Variants in MDFIC2 observed in about 807,000 individuals in gnomAD.
The protein encoded by MDFIC2 is MyoD family inhibitor domain containing 2, also known as myoD family inhibitor domain-containing protein 2.
intron 2 of MDFIC2, among the ~76,000 whole-genome samples, chr3:70,230,554 G>A (rs1021915263): frequency 3.0e-4 from 46 of 151,950 alleles, no homozygotes; most frequent in African/African-American, 1.1e-3. Flanking sequence ...TTGAATAATG[G>A]AACTCTCTCT....
intron 2 of MDFIC2, among the ~76,000 whole-genome samples, chr3:70,258,032 G>T (rs1427265821): frequency 6.6e-6 from 1 of 152,150 alleles, no homozygotes; most frequent in African/African-American, 2.4e-5. Flanking sequence ...TGGGGGAAAT[G>T]GAGAGTCTTT....
chr3:70,286,712 C>G (rs113191282), intron 2 of MDFIC2, among the ~76,000 whole-genome samples: 21 of 152,138 alleles, frequency 1.4e-4, no homozygotes, highest in Admixed American at 5.2e-4. Flanking sequence ...TCTTCCATTT[C>G]TTTTTATCCT....
intron 2 of MDFIC2, among the ~76,000 whole-genome samples, chr3:70,231,875 A>ATG (rs1017772231): frequency 6.6e-6 from 1 of 152,108 alleles, no homozygotes; most frequent in Non-Finnish European, 1.5e-5. Context: ...TGATGTGTGC[A>ATG]TGTGTGTGTG....
intron 2 of MDFIC2, among the ~76,000 whole-genome samples, chr3:70,255,632 T>G (rs117886786): frequency 2.6e-5 from 4 of 152,188 alleles, no homozygotes; most frequent in East Asian, 1.9e-4. Flanking sequence ...TGGCTATTTT[T>G]TTTTCCTGTG....
In MDFIC2 at chr3:70,295,420, A is replaced by G. The variant is rs553365623; in HGVS notation, c.88+16466T>C. 2.0e-5 allele frequency among the ~76,000 whole-genome samples: 3 copies of G among 152,262 alleles called. No homozygotes were observed. In the South Asian group the frequency reaches 6.2e-4, roughly 32 times the overall value. On this transcript the variant is annotated intron_variant, in intron 2 of 3. Coordinates refer to ENST00000567252, the MANE Select transcript of MDFIC2 (RefSeq NM_001364677.1). ...CCCAAAGGCTTACATACCATAATGA[A>G]AGCCCAGACATGGTGGCTTATTACT...
At chr3:70,208,292 G>A (rs567548760) in intron 2 of MDFIC2, among the ~76,000 whole-genome samples, 1 of 152,120 alleles carries the variant, frequency 6.6e-6, no homozygotes, top group Admixed American at 6.5e-5. Context: ...TACTGAAATT[G>A]ATAATACAAT....
intron 2 of MDFIC2, among the ~76,000 whole-genome samples, chr3:70,237,664 A>G (rs1239262230): frequency 2.0e-5 from 3 of 152,230 alleles, no homozygotes; most frequent in Admixed American, 6.5e-5. Flanking sequence ...AAATAGGGAA[A>G]AGATTGTTAA....
At position 70,200,870 on chromosome 3, in the gene MDFIC2, T is replaced by A. The variant is rs78559234; in HGVS notation, c.311-3685A>T. On this transcript the variant is annotated intron_variant, in intron 3 of 3. Coordinates refer to ENST00000567252, the MANE Select transcript of MDFIC2 (RefSeq NM_001364677.1). Reference sequence around the variant, plus strand: ...CGTAGAGCAGAGATTCAAATCTAAGTCTTTCTGAATCCAAAGCCTGTGGTC... The same window carrying A: ...CGTAGAGCAGAGATTCAAATCTAAGACTTTCTGAATCCAAAGCCTGTGGTC... Among the ~76,000 whole-genome samples, 884 of 152,080 alleles carry A rather than the reference T, an allele frequency of 5.8e-3. 5 individuals are homozygous for A. The highest frequency in any genetic ancestry group is 8.7e-3 in the Non-Finnish European group (593 of 67,996).
intron 2 of MDFIC2, among the ~76,000 whole-genome samples, chr3:70,247,137 T>C (rs1245119039): frequency 6.6e-6 from 1 of 152,034 alleles, no homozygotes; most frequent in African/African-American, 2.4e-5. Context: ...AATGAATTTA[T>C]TCTTGGCCAT....
chr3:70,283,231 T>C (rs1234925208), intron 2 of MDFIC2, among the ~76,000 whole-genome samples: 4 of 152,068 alleles, frequency 2.6e-5, no homozygotes, highest in African/African-American at 9.7e-5. Context: ...GACACTGAAA[T>C]AGATTTGCGG....
intron 2 of MDFIC2, among the ~76,000 whole-genome samples, chr3:70,300,320 C>G (rs1458450794): frequency 6.6e-6 from 1 of 152,060 alleles, no homozygotes; most frequent in Non-Finnish European, 1.5e-5. Context: ...CTTTCCTTAC[C>G]TACCACCTTC....
intron 2 of MDFIC2, among the ~76,000 whole-genome samples, chr3:70,303,471 T>G (rs778852887): frequency 6.6e-6 from 1 of 152,300 alleles, no homozygotes; most frequent in Middle Eastern, 3.4e-3. Context: ...TATCTTGCTC[T>G]TAGGCTCACC....
chr3:70,214,840 T>A (rs1255261856), intron 2 of MDFIC2, among the ~76,000 whole-genome samples: 1 of 152,080 alleles, frequency 6.6e-6, no homozygotes, highest in Non-Finnish European at 1.5e-5. Context: ...TTCAGTTTAA[T>A]GTTTGTAAAA....
chr3:70,290,932 C>T (rs932146347), intron 2 of MDFIC2, among the ~76,000 whole-genome samples: 3 of 152,112 alleles, frequency 2.0e-5, no homozygotes, highest in Admixed American at 1.3e-4. Flanking sequence ...GCACGGTGCG[C>T]GCACCCACTG....
chr3:70,299,237 G>C (rs1278847250), intron 2 of MDFIC2, among the ~76,000 whole-genome samples: 1 of 152,032 alleles, frequency 6.6e-6, no homozygotes, highest in South Asian at 2.1e-4. Context: ...GCCCTAGAAA[G>C]GTGTTCACAT....
chr3:70,275,509 C>T (rs1444348729), intron 2 of MDFIC2, among the ~76,000 whole-genome samples: 1 of 152,030 alleles, frequency 6.6e-6, no homozygotes, highest in Admixed American at 6.6e-5. Context: ...AAAGCAAGAC[C>T]CTGTCTCAAA....
At chr3:70,250,602 A>C (rs1437062187) in intron 2 of MDFIC2, among the ~76,000 whole-genome samples, 1 of 152,176 alleles carries the variant, frequency 6.6e-6, no homozygotes, top group Non-Finnish European at 1.5e-5. Context: ...CCAGTTTGGC[A>C]AAGGTTTGTT....
chr3:70,245,750 T>C (rs1030117581), intron 2 of MDFIC2, among the ~76,000 whole-genome samples: 2 of 143,572 alleles, frequency 1.4e-5, no homozygotes, highest in African/African-American at 2.5e-5. Flanking sequence ...CCCTGAGTTA[T>C]GTAATTGCTA....
At chr3:70,226,868 G>A (rs1452250851) in intron 2 of MDFIC2, among the ~76,000 whole-genome samples, 1 of 152,132 alleles carries the variant, frequency 6.6e-6, no homozygotes, top group Non-Finnish European at 1.5e-5. Flanking sequence ...ATGGTAAGAA[G>A]TGGGATGGAA....
Sources: gnomAD v4.1 joint callset for allele counts (sites outside exome capture counted in the v4.1 genomes callset) on GRCh38, gnomAD v4.1.1 for gene constraint, MANE v1.5 for transcripts, NCBI Gene and HGNC (gene_info 2026-07-23, HGNC 2026-07-21) for gene names.